The following ELAPOR2 variants were observed in gnomAD, a reference collection of about 807,000 sequenced individuals.
The protein encoded by ELAPOR2 is endosome-lysosome associated apoptosis and autophagy regulator family member 2.
Under a neutral mutation model 120.7 loss-of-function variants are expected in ELAPOR2, and 89 were observed. The observed-to-expected ratio is 0.74, with a 90% CI of 0.62 to 0.88. The LOEUF (loss-of-function observed/expected upper bound fraction) is 0.88, where lower values mean the gene tolerates loss of function less well. ELAPOR2 is among the 40% of genes least tolerant of loss of function. ELAPOR2 has a pLI of 0.00. For synonymous variants in ELAPOR2, 444 were observed against 444.9 expected, an observed-to-expected ratio of 1.00 and a Z score of 0.03; for missense variants, 1,134 against 1,251.6, an observed-to-expected ratio of 0.91 and a Z score of 1.42.
chr7:86,962,438 C>A (rs1791751423), intron 2 of ELAPOR2, among the ~76,000 whole-genome samples: 1 of 152,188 alleles, frequency 6.6e-6, no homozygotes, highest in Admixed American at 6.5e-5. Context: ...TTGCCATGTT[C>A]TACTACTTAA....
Position 86,934,347 on chromosome 7 carries a change from G to A in ELAPOR2, c.1089+3779C>T, listed in dbSNP as rs113659083. ...CCCCACAAATATCTGGTGAGAGAAT[G>A]CCTTACTGTATACATTAGAAGATTT... On this transcript the variant is annotated intron_variant, in intron 8 of 21. Transcript: ENST00000450689. Among the ~76,000 whole-genome samples, 282 of 152,128 alleles carry A rather than the reference G, an allele frequency of 1.9e-3. 3 individuals are homozygous for A. The highest frequency in any genetic ancestry group is 6.6e-3 in the African/African-American group (272 of 41,524).
intron 18 of ELAPOR2, among the ~76,000 whole-genome samples, chr7:86,898,558 C>CAAAAAAAAAAA (rs1562905340): frequency 2.0e-5 from 1 of 50,520 alleles, no homozygotes. Flanking sequence ...GACACAATGA[C>CAAAAAAAAAAA]CAAAAAAAAA....
At chr7:86,912,366 T>C in intron 14 of ELAPOR2, 121 bp from the exon 15 acceptor site, 1 of 513,268 alleles carries the variant, frequency 1.9e-6, no homozygotes, top group South Asian at 4.2e-5. Context: ...AGCTATAATA[T>C]ACTTTACCAT....
chr7:87,047,104 A>G lies in ELAPOR2; in HGVS notation c.189+12221T>C, dbSNP rs146119275. On this transcript the variant is annotated intron_variant, in intron 1 of 21. Transcript: ENST00000450689. ...CACTGGGGAAAGGACAGTCTCTTCA[A>G]TAAATGATGCTGGAAAAACTAGACA... 4.2e-3 allele frequency among the ~76,000 whole-genome samples: 633 copies of G among 152,366 alleles called. 3 individuals carry two copies. The highest frequency in any genetic ancestry group is 0.015 in the African/African-American group (610 of 41,582).
chr7:87,059,621 G>T lies in ELAPOR2; in HGVS notation c.-108C>A. 9.3e-7 allele frequency: 1 copy of T among 1,078,234 alleles called. No individual in the cohort carries two copies. The highest frequency in any genetic ancestry group is 1.1e-6 in the Non-Finnish European group (1 of 885,362). The allele number at this position is 1,078,234 out of a possible 1,614,324, so 66.8% of individuals were successfully genotyped here. On this transcript the variant is annotated 5_prime_UTR_variant, in exon 1 of 22. Transcript: ENST00000450689. ...TGCTGTGCGCTCGTCTCGCCGCTCCGTCACCCGCTGCCCGTCCGCCCGCTG... is the reference window on the plus strand; with the variant it reads ...TGCTGTGCGCTCGTCTCGCCGCTCCTTCACCCGCTGCCCGTCCGCCCGCTG...
intron 8 of ELAPOR2, among the ~76,000 whole-genome samples, chr7:86,934,594 T>C (rs1790482728): frequency 2.0e-5 from 3 of 151,998 alleles, no homozygotes; most frequent in African/African-American, 7.2e-5. Flanking sequence ...GCCATTTTCC[T>C]CAGGCACCAT....
chr7:86,954,943 G>A (rs1302421525), intron 2 of ELAPOR2, among the ~76,000 whole-genome samples: 1 of 152,050 alleles, frequency 6.6e-6, no homozygotes, highest in African/African-American at 2.4e-5. Flanking sequence ...ATAATACAAA[G>A]AAAGAGAACA....
intron 1 of ELAPOR2, among the ~76,000 whole-genome samples, chr7:87,038,928 A>C (rs191347949): frequency 4.6e-5 from 7 of 152,202 alleles, no homozygotes; most frequent in Admixed American, 4.6e-4. Flanking sequence ...AAAATAATAA[A>C]AATCACAGAA....
At chr7:87,027,332 C>G (rs983776237) in intron 1 of ELAPOR2, among the ~76,000 whole-genome samples, 7 of 152,068 alleles carry the variant, frequency 4.6e-5, no homozygotes, top group African/African-American at 1.7e-4. Flanking sequence ...ACCTCCCACC[C>G]CAAATCATTT....
intron 1 of ELAPOR2, among the ~76,000 whole-genome samples, chr7:86,990,141 G>A (rs926340784): frequency 1.3e-5 from 2 of 151,992 alleles, no homozygotes; most frequent in African/African-American, 4.8e-5. Context: ...CCGCCTCCTG[G>A]GTTCATGCCA....
chr7:86,970,772 CTAAG>C (rs1322634313), intron 1 of ELAPOR2, among the ~76,000 whole-genome samples: 1 of 152,128 alleles, frequency 6.6e-6, no homozygotes, highest in Non-Finnish European at 1.5e-5. Context: ...TGGAAACCTG[CTAAG>C]TAATATGTAT....
At chr7:86,969,500 CATT>C (rs1168839520) in intron 1 of ELAPOR2, among the ~76,000 whole-genome samples, 1 of 151,982 alleles carries the variant, frequency 6.6e-6, no homozygotes, top group Non-Finnish European at 1.5e-5. Context: ...TAATATATAT[CATT>C]ATTTCCTGGC....
chr7:86,929,492 TC>T (rs1790228684), intron 8 of ELAPOR2, among the ~76,000 whole-genome samples: 1 of 151,920 alleles, frequency 6.6e-6, no homozygotes, highest in South Asian at 2.1e-4. Context: ...CACTGGGCAC[TC>T]ATCATTTGTC....
At chr7:86,967,238 T>C (rs1299319359) in intron 1 of ELAPOR2, among the ~76,000 whole-genome samples, 1 of 152,158 alleles carries the variant, frequency 6.6e-6, no homozygotes, top group Non-Finnish European at 1.5e-5. Flanking sequence ...GGTGGGCAGA[T>C]CACTTGAGGT....
chr7:86,929,156 AAC>A (rs1419107158), intron 8 of ELAPOR2, among the ~76,000 whole-genome samples: 1 of 151,976 alleles, frequency 6.6e-6, no homozygotes, highest in African/African-American at 2.4e-5. Flanking sequence ...CATTTTTAAA[AAC>A]ACACAGAGGT....
At chr7:86,898,335 G>C (rs1188570320) in intron 18 of ELAPOR2, among the ~76,000 whole-genome samples, 3 of 152,114 alleles carry the variant, frequency 2.0e-5, no homozygotes, top group Non-Finnish European at 4.4e-5. Context: ...GTTGCTCAGG[G>C]CTGGGAAGTG....
rs918433121 is a variant in ELAPOR2, at chr7:87,011,498, A to G, written c.190-46474T>C. ...CTTTAAAATAATTCATACTTGAGTA[A>G]TAATTGCAGATATTTATAACTCTTT... On this transcript the variant is annotated intron_variant, in intron 1 of 21. Coordinates refer to ENST00000450689, the MANE Select transcript of ELAPOR2 (RefSeq NM_001142749.3). Among the ~76,000 whole-genome samples the G allele has an allele frequency of 2.6e-5, 4 of 152,328 alleles. No homozygotes were observed. In the South Asian group the frequency reaches 6.2e-4, roughly 24 times the overall value.
intron 1 of ELAPOR2, among the ~76,000 whole-genome samples, chr7:87,030,539 G>C (rs1195101768): frequency 6.6e-6 from 1 of 152,184 alleles, no homozygotes; most frequent in Non-Finnish European, 1.5e-5. Context: ...TTGGCCTAAA[G>C]CTGCCACCGT....
At chr7:87,054,803 C>A (rs1795213169) in intron 1 of ELAPOR2, among the ~76,000 whole-genome samples, 1 of 152,218 alleles carries the variant, frequency 6.6e-6, no homozygotes, top group South Asian at 2.1e-4. Context: ...TGGTGCTGAG[C>A]ACCAGTGACC....
Sources: gnomAD v4.1 joint callset for allele counts (sites outside exome capture counted in the v4.1 genomes callset) on GRCh38, gnomAD v4.1.1 for gene constraint, MANE v1.5 for transcripts, NCBI Gene and HGNC (gene_info 2026-07-23, HGNC 2026-07-21) for gene names.